The following DRC11 variants were observed in gnomAD, a reference collection of about 807,000 sequenced individuals.
DRC11 encodes the protein IQ and AAA domain-containing protein 1.
chr2:236,349,405 T>C, the DRC11 span, among the ~76,000 whole-genome samples: 1 of 152,238 alleles, frequency 6.6e-6, no homozygotes, highest in Non-Finnish European at 1.5e-5. The surrounding 1 kb of genome is among the most constrained non-coding windows in gnomAD (Gnocchi z 5.5). Context: ...GATCTTATTT[T>C]TTTTCAGTAC....
the DRC11 span, among the ~76,000 whole-genome samples, chr2:236,460,053 C>CA: frequency 6.6e-6 from 1 of 151,988 alleles, no homozygotes; most frequent in Non-Finnish European, 1.5e-5. This position sits in a 1 kb window ranked among gnomAD's most constrained non-coding sequence, Gnocchi z 4.0. Flanking sequence ...TTTCATGTTT[C>CA]AAAAAACAAT....
At chr2:236,419,480 C>T in the DRC11 span, among the ~76,000 whole-genome samples, 1 of 152,176 alleles carries the variant, frequency 6.6e-6, no homozygotes, top group Non-Finnish European at 1.5e-5. The surrounding 1 kb of genome is among the most constrained non-coding windows in gnomAD (Gnocchi z 4.8). Flanking sequence ...GCAGCAGCCT[C>T]AGTGTAGATG....
chr2:236,455,812 G>GA, the DRC11 span, among the ~76,000 whole-genome samples: 1 of 152,194 alleles, frequency 6.6e-6, no homozygotes, highest in Admixed American at 6.5e-5. This position sits in a 1 kb window ranked among gnomAD's most constrained non-coding sequence, Gnocchi z 5.7. Flanking sequence ...CCTCCAGAAA[G>GA]AATGTGCATT....
At chr2:236,407,269 T>A in the DRC11 span, among the ~76,000 whole-genome samples, 7 of 152,270 alleles carry the variant, frequency 4.6e-5, no homozygotes, top group African/African-American at 1.7e-4. Context: ...TCTTTGATGG[T>A]ATCTGGGTTA....
chr2:236,391,252 G>C, the DRC11 span: 3 of 152,356 alleles, frequency 2.0e-5, no homozygotes, highest in Admixed American at 1.3e-4. This position sits in a 1 kb window ranked among gnomAD's most constrained non-coding sequence, Gnocchi z 4.5. Context: ...CATGGCCCCT[G>C]ATCTAGCAAA....
the DRC11 span, among the ~76,000 whole-genome samples, chr2:236,337,750 C>G: frequency 8.6e-5 from 13 of 151,708 alleles, no homozygotes; most frequent in Non-Finnish European, 1.9e-4. This position sits in a 1 kb window ranked among gnomAD's most constrained non-coding sequence, Gnocchi z 4.9. Flanking sequence ...AGTAAGCTCT[C>G]GTTGTATTTT....
At chr2:236,445,989 C>T in the DRC11 span, among the ~76,000 whole-genome samples, 4 of 152,168 alleles carry the variant, frequency 2.6e-5, no homozygotes, top group Non-Finnish European at 4.4e-5. This position sits in a 1 kb window ranked among gnomAD's most constrained non-coding sequence, Gnocchi z 4.8. Context: ...TGGCTTTGCA[C>T]TGACTGTCTC....
chr2:236,342,762 G>A, the DRC11 span, among the ~76,000 whole-genome samples: 1 of 152,226 alleles, frequency 6.6e-6, no homozygotes, highest in Non-Finnish European at 1.5e-5. This position sits in a 1 kb window ranked among gnomAD's most constrained non-coding sequence, Gnocchi z 5.8. Flanking sequence ...GCCTCTTGCA[G>A]CTCTGAGTCT....
the DRC11 span, among the ~76,000 whole-genome samples, chr2:236,491,046 G>GTATATA: frequency 4.7e-5 from 6 of 128,262 alleles, no homozygotes; most frequent in African/African-American, 1.9e-4. Flanking sequence ...TATATATACA[G>GTATATA]TATATATATA....
chr2:236,445,884 C>T, the DRC11 span, among the ~76,000 whole-genome samples: 12 of 152,096 alleles, frequency 7.9e-5, no homozygotes, highest in Admixed American at 7.9e-4. This position sits in a 1 kb window ranked among gnomAD's most constrained non-coding sequence, Gnocchi z 4.8. Context: ...CCCTTTCTTG[C>T]TCACTGCACT....
At chr2:236,426,938 T>C in the DRC11 span, among the ~76,000 whole-genome samples, 1 of 152,210 alleles carries the variant, frequency 6.6e-6, no homozygotes, top group Non-Finnish European at 1.5e-5. This position sits in a 1 kb window ranked among gnomAD's most constrained non-coding sequence, Gnocchi z 4.1. Context: ...ATATAGTCTT[T>C]ATCGTGTTAA....
chr2:236,408,329 G>T, the DRC11 span: 2 of 772,928 alleles, frequency 2.6e-6, no homozygotes, highest in Non-Finnish European at 4.8e-6. This position sits in a 1 kb window ranked among gnomAD's most constrained non-coding sequence, Gnocchi z 5.5. Flanking sequence ...GCCACCTTGC[G>T]CAAGCCTCAG....
chr2:236,496,331 A>G, the DRC11 span, among the ~76,000 whole-genome samples: 4 of 152,234 alleles, frequency 2.6e-5, no homozygotes, highest in South Asian at 4.1e-4. This position sits in a 1 kb window ranked among gnomAD's most constrained non-coding sequence, Gnocchi z 6.3. Flanking sequence ...AAAAGCCCAA[A>G]TATTTTCAAG....
At chr2:236,324,747 C>G in the DRC11 span, 1 of 1,606,272 alleles carries the variant, frequency 6.2e-7, no homozygotes, top group South Asian at 1.1e-5. The surrounding 1 kb of genome is among the most constrained non-coding windows in gnomAD (Gnocchi z 5.7). Context: ...ATCGCCAAGG[C>G]ACGTTTTTTA....
chr2:236,360,174 C>G, the DRC11 span, among the ~76,000 whole-genome samples: 8 of 152,180 alleles, frequency 5.3e-5, no homozygotes, highest in African/African-American at 1.9e-4. This position sits in a 1 kb window ranked among gnomAD's most constrained non-coding sequence, Gnocchi z 5.8. Flanking sequence ...CTTAATTCAG[C>G]CATTCAGCCC....
chr2:236,404,010 C>A, the DRC11 span, among the ~76,000 whole-genome samples: 1 of 151,954 alleles, frequency 6.6e-6, no homozygotes, highest in Non-Finnish European at 1.5e-5. Flanking sequence ...GATCCCATCC[C>A]ACCACTGTGG....
At chr2:236,433,432 G>A in the DRC11 span, among the ~76,000 whole-genome samples, 2 of 152,140 alleles carry the variant, frequency 1.3e-5, no homozygotes, top group African/African-American at 4.8e-5. Context: ...CAGGAGTGTT[G>A]TAAGCTTTTC....
chr2:236,506,237 C>T, the DRC11 span, among the ~76,000 whole-genome samples: 1 of 152,206 alleles, frequency 6.6e-6, no homozygotes, highest in Non-Finnish European at 1.5e-5. The surrounding 1 kb of genome is among the most constrained non-coding windows in gnomAD (Gnocchi z 4.9). Context: ...TGTGGATGAT[C>T]CCAGGATCAG....
the DRC11 span, among the ~76,000 whole-genome samples, chr2:236,442,236 A>G: frequency 1.3e-5 from 2 of 152,234 alleles, no homozygotes; most frequent in South Asian, 2.1e-4. Flanking sequence ...AAACTAAAAG[A>G]AAAAACTAGC....
Sources: gnomAD v4.1 joint callset for allele counts (sites outside exome capture counted in the v4.1 genomes callset) on GRCh38, gnomAD v4.1.1 for gene constraint, Gnocchi (gnomAD v3.1) non-coding constraint, MANE v1.5 for transcripts, NCBI Gene and HGNC (gene_info 2026-07-23, HGNC 2026-07-21) for gene names.